ALKBH8: variants seen among roughly 807,000 people sequenced by gnomAD.
ALKBH8 encodes the protein alkB homolog 8, tRNA methyltransferase, also known as tRNA (carboxymethyluridine(34)-5-O)-methyltransferase ALKBH8.
ALKBH8 carries 36 observed loss-of-function variants against 59.8 expected under a neutral mutation model. The observed-to-expected ratio is 0.60, with a 90% CI of 0.46 to 0.79. The LOEUF is 0.79. ALKBH8 is among the 30% of genes least tolerant of loss of function. The pLI is 0.00. For missense variants in ALKBH8, 768 were observed against 801.0 expected, an observed-to-expected ratio of 0.96 and a Z score of 0.50; for synonymous variants, 276 against 273.6, an observed-to-expected ratio of 1.01 and a Z score of -0.09.
chr11:107,556,875 T>C lies in ALKBH8; in HGVS notation c.258A>G (p.Arg86=). The change falls in exon 3 of 12, where the codon AGA becomes AGG. Residue 86 remains arginine (R), a synonymous_variant. Transcript: ENST00000428149. ...TCTTAGATTCTTCTGTAGTTCTGTA[T>C]CTTGCAAATGAGTACGGCTTGTTAG... ...MPPNKPYSFA[R]YRTTEESKRA... is the part of the protein sequence containing the mutation. 1.2e-6 allele frequency: 2 copies of C among 1,609,522 alleles called. No individual in the cohort carries two copies. The highest frequency in any genetic ancestry group is 1.7e-6 in the Non-Finnish European group (2 of 1,177,788).
intron 1 of ALKBH8, among the ~76,000 whole-genome samples, chr11:107,564,733 A>G (rs1865062176): frequency 6.6e-6 from 1 of 152,190 alleles, no homozygotes; most frequent in African/African-American, 2.4e-5. Flanking sequence ...CACTTACTAC[A>G]TATTTTCTTA....
chr11:107,565,574 T>C, intron 1 of ALKBH8, 27 bp downstream of exon 1: 1 of 1,535,668 alleles, frequency 6.5e-7, no homozygotes, highest in Non-Finnish European at 8.7e-7. Flanking sequence ...GCTGCCCGTA[T>C]GCCCGCCAGT....
chr11:107,542,694 G>T (rs541861175), intron 7 of ALKBH8, among the ~76,000 whole-genome samples: 8 of 152,184 alleles, frequency 5.3e-5, no homozygotes, highest in Non-Finnish European at 8.8e-5. Flanking sequence ...CAGACTGCTT[G>T]AGCCCAGGAA....
intron 3 of ALKBH8, among the ~76,000 whole-genome samples, chr11:107,554,190 C>T (rs1864612490): frequency 6.6e-6 from 1 of 152,148 alleles, no homozygotes; most frequent in African/African-American, 2.4e-5. Flanking sequence ...TTACCAACAG[C>T]AAACAGAACA....
rs1474188080 is a variant in ALKBH8, at chr11:107,504,911, T to G, written c.1742A>C (p.His581Pro). ...RQVSNSKLPV[H>P]VNRTSFYSQD... ...AGAATAAAAAGAAGTCCTGTTAACA[T>G]GAACAGGCAGCTTGGAATTAGAAAC... Residue 581 changes from histidine (H) to proline (P), a missense_variant, in exon 12 of 12, where the codon CAT becomes CCT. Transcript: ENST00000428149. 1.7e-5 allele frequency: 26 copies of G among 1,551,948 alleles called. No homozygotes were observed. The highest frequency in any genetic ancestry group is 2.2e-5 in the Non-Finnish European group (25 of 1,147,016).
intron 7 of ALKBH8, among the ~76,000 whole-genome samples, chr11:107,539,639 C>A (rs1863959058): frequency 1.4e-5 from 2 of 143,376 alleles, no homozygotes; most frequent in Admixed American, 7.2e-5. Flanking sequence ...CCACCACAAA[C>A]CTGTTTCCCT....
intron 8 of ALKBH8, among the ~76,000 whole-genome samples, chr11:107,530,538 C>T (rs1863543266): frequency 6.7e-6 from 1 of 150,272 alleles, no homozygotes; most frequent in African/African-American, 2.5e-5. Context: ...TCTTTCTTGC[C>T]TCTGGTCTCT....
At position 107,522,348 on chromosome 11, in the gene ALKBH8, A is replaced by G. The variant is rs192250667; in HGVS notation, c.1238T>C (p.Ile413Thr). 349 of 1,551,650 alleles carry G rather than the reference A, an allele frequency of 2.2e-4. No individual in the cohort carries two copies. The highest frequency in any genetic ancestry group is 6.8e-4 in the East Asian group (28 of 40,906). Residue 413 changes from isoleucine to threonine, a missense_variant, in exon 10 of 12, where the codon ATT becomes ACT. Physicochemically the swap from Ile to Thr is moderately conservative, Grantham distance 89. Transcript: ENST00000428149. The part of the protein sequence containing the change: ...ALPSGSIVAD[I>T]GCGNGKYLGI... Reference sequence around the variant, plus strand: ...AAGATACTTTCCATTACCACATCCAATATCAGCCACTATTGAACCACTTGG... The same window carrying G: ...AAGATACTTTCCATTACCACATCCAGTATCAGCCACTATTGAACCACTTGG...
chr11:107,561,475 C>A (rs1372119320), intron 1 of ALKBH8, among the ~76,000 whole-genome samples: 1 of 151,946 alleles, frequency 6.6e-6, no homozygotes. Context: ...GAAAGTGACA[C>A]ATAGGAGCAT....
At chr11:107,540,352 T>C (rs1863986448) in intron 7 of ALKBH8, among the ~76,000 whole-genome samples, 3 of 152,216 alleles carry the variant, frequency 2.0e-5, no homozygotes, top group African/African-American at 4.8e-5. Context: ...TTCTGCCCTC[T>C]CTTACTCTTC....
intron 6 of ALKBH8, among the ~76,000 whole-genome samples, 177 bp from the exon 7 acceptor site, chr11:107,550,000 A>C (rs1485815125): frequency 1.3e-5 from 2 of 152,250 alleles, no homozygotes; most frequent in East Asian, 3.8e-4. Flanking sequence ...ATACTAAAAT[A>C]AACTAAAAAT....
At chr11:107,527,732 T>C (rs1445013709) in intron 8 of ALKBH8, among the ~76,000 whole-genome samples, 1 of 152,064 alleles carries the variant, frequency 6.6e-6, no homozygotes, top group Non-Finnish European at 1.5e-5. Context: ...TCTCTAGGAT[T>C]TTCTATATCC....
intron 8 of ALKBH8, 78 bp downstream of exon 8, chr11:107,532,222 C>T: frequency 2.5e-6 from 3 of 1,181,874 alleles, no homozygotes; most frequent in Non-Finnish European, 3.6e-6. Context: ...AGGCACAGGG[C>T]ATGGTCCCCG....
chr11:107,553,776 T>C, intron 4 of ALKBH8, 71 bp downstream of exon 4: 1 of 1,501,834 alleles, frequency 6.7e-7, no homozygotes, highest in Non-Finnish European at 9.0e-7. Flanking sequence ...TAATAAACCA[T>C]GAAAGACAGA....
intron 8 of ALKBH8, among the ~76,000 whole-genome samples, chr11:107,530,860 T>C (rs1454345435): frequency 6.6e-6 from 1 of 152,194 alleles, no homozygotes; most frequent in East Asian, 1.9e-4. Context: ...AATGTTGTTT[T>C]AGGAAAATTA....
intron 10 of ALKBH8, among the ~76,000 whole-genome samples, chr11:107,517,546 C>T (rs554831862): frequency 1.3e-5 from 2 of 152,274 alleles, no homozygotes; most frequent in African/African-American, 2.4e-5. Flanking sequence ...ATACAGTAAA[C>T]ATGGTATATA....
intron 11 of ALKBH8, 34 bp from the exon 12 acceptor site, chr11:107,505,249 G>T: frequency 6.9e-7 from 1 of 1,448,634 alleles, no homozygotes. Flanking sequence ...TGATCAACCT[G>T]GAAGAGACAG....
At chr11:107,564,202 T>C (rs1379802567) in intron 1 of ALKBH8, among the ~76,000 whole-genome samples, 1 of 152,164 alleles carries the variant, frequency 6.6e-6, no homozygotes, top group South Asian at 2.1e-4. Context: ...GTTTGGAGAT[T>C]ATGCATGCTC....
At chr11:107,524,380 T>TA (rs150871160) in intron 9 of ALKBH8, among the ~76,000 whole-genome samples, 14 of 151,572 alleles carry the variant, frequency 9.2e-5, no homozygotes, top group East Asian at 1.9e-4. Flanking sequence ...TTATTCATCT[T>TA]AAAAAAAAAT....
Sources: allele counts gnomAD v4.1 joint callset (sites outside exome capture counted in the v4.1 genomes callset), GRCh38; gene constraint gnomAD v4.1.1; transcripts MANE v1.5; gene names NCBI Gene and HGNC (gene_info 2026-07-23, HGNC 2026-07-21).